EIF4E: variants seen among roughly 807,000 people sequenced by gnomAD.
EIF4E encodes eIF-4F 25 kDa subunit.
For synonymous variants in EIF4E, 71 were observed against 88.5 expected, an observed-to-expected ratio of 0.80 and a Z score of 1.11; for missense variants, 113 against 265.6, an observed-to-expected ratio of 0.43 and a Z score of 3.99.
rs1329644525 is a variant in EIF4E, at chr4:98,922,980, TG to T, written c.18+6114del. On this transcript the variant is annotated intron_variant, in intron 1 of 6. Transcript: ENST00000450253. ...CTTCTGCCTCAGCCTCCCAAGAAGC[TG>T]GGGTTACAGGCATGTGCCACCATAC... Among the ~76,000 whole-genome samples the T allele has an allele frequency of 2.0e-5, 3 of 151,798 alleles. No homozygotes were observed. In the East Asian group the frequency reaches 5.8e-4, roughly 29 times the overall value.
At chr4:98,895,947 C>T (rs1723586487) in intron 2 of EIF4E, among the ~76,000 whole-genome samples, 1 of 152,144 alleles carries the variant, frequency 6.6e-6, no homozygotes, top group African/African-American at 2.4e-5. Flanking sequence ...CCCGTAATCC[C>T]AGCACTTTGG....
intron 1 of EIF4E, among the ~76,000 whole-genome samples, chr4:98,910,376 C>A (rs1438326448): frequency 6.6e-6 from 1 of 152,170 alleles, no homozygotes; most frequent in East Asian, 1.9e-4. Context: ...AAAGACAGTA[C>A]TTCTTAAAGT....
At chr4:98,918,721 G>A (rs765108378) in intron 1 of EIF4E, among the ~76,000 whole-genome samples, 7 of 151,954 alleles carry the variant, frequency 4.6e-5, no homozygotes, top group Non-Finnish European at 1.0e-4. Context: ...TATACCATCA[G>A]AAAAAAGAAG....
intron 3 of EIF4E, 129 bp from the exon 4 acceptor site, chr4:98,888,081 G>A: frequency 2.5e-6 from 2 of 803,282 alleles, no homozygotes; most frequent in African/African-American, 1.8e-5. Flanking sequence ...TTGTTTCTAA[G>A]GAGTCAATTT....
chr4:98,883,957 T>C (rs893563074), intron 6 of EIF4E, among the ~76,000 whole-genome samples: 7 of 150,538 alleles, frequency 4.6e-5, no homozygotes, highest in Non-Finnish European at 1.0e-4. Flanking sequence ...GAGTATCACC[T>C]GAGCCCAGGA....
At chr4:98,894,744 A>C (rs1369405499) in intron 2 of EIF4E, among the ~76,000 whole-genome samples, 1 of 152,220 alleles carries the variant, frequency 6.6e-6, no homozygotes, top group Non-Finnish European at 1.5e-5. Flanking sequence ...CTGGAGGAGG[A>C]CTTTCGATCT....
At chr4:98,907,165 T>G (rs1470362058) in intron 1 of EIF4E, among the ~76,000 whole-genome samples, 1 of 152,186 alleles carries the variant, frequency 6.6e-6, no homozygotes, top group Non-Finnish European at 1.5e-5. Flanking sequence ...TTTATCACTT[T>G]CCTCCTTCCT....
At chr4:98,891,173 TTAAAAA>T in intron 3 of EIF4E, 58 bp downstream of exon 3, 1 of 1,568,734 alleles carries the variant, frequency 6.4e-7, no homozygotes, top group Non-Finnish European at 8.7e-7. Context: ...TGAATTCGAC[TTAAAAA>T]TAAAAAAACT....
At position 98,896,112 on chromosome 4, in the gene EIF4E, C is replaced by A. The variant is rs570528636; in HGVS notation, c.126-4780G>T. Among the ~76,000 whole-genome samples the A allele has an allele frequency of 2.8e-4, 42 of 152,112 alleles. 2 individuals are homozygous for A. Among genetic ancestry groups the A allele is most frequent in the Admixed American group, 2.8e-3 (42 of 15,268 alleles). ...TCAGGAGGCTGAGGCAGGAGAATCG[C>A]TTGAACCTGGGAGGCGGAGGTTGCA... On this transcript the variant is annotated intron_variant, in intron 2 of 6. Coordinates refer to ENST00000450253, the MANE Select transcript of EIF4E (RefSeq NM_001968.5).
chr4:98,884,770 T>C (rs1235772085), intron 6 of EIF4E, 152 bp downstream of exon 6: 15 of 980,956 alleles, frequency 1.5e-5, no homozygotes, highest in South Asian at 9.2e-5. Flanking sequence ...TGCGCACCAA[T>C]TGAGCCGTTC....
intron 2 of EIF4E, among the ~76,000 whole-genome samples, chr4:98,894,750 G>A (rs1290753964): frequency 6.6e-6 from 1 of 152,128 alleles, no homozygotes; most frequent in Non-Finnish European, 1.5e-5. Context: ...GAGGACTTTC[G>A]ATCTCCTTCA....
chr4:98,906,978 T>C (rs1391904296), intron 1 of EIF4E, among the ~76,000 whole-genome samples: 1 of 152,212 alleles, frequency 6.6e-6, no homozygotes, highest in African/African-American at 2.4e-5. Flanking sequence ...AACTGTCTGA[T>C]ACATGGGAAA....
chr4:98,901,445 C>G (rs1054207654), intron 2 of EIF4E, among the ~76,000 whole-genome samples: 5 of 138,840 alleles, frequency 3.6e-5, no homozygotes, highest in Non-Finnish European at 6.5e-5. Flanking sequence ...GTGATCCGCC[C>G]GCCTCCGCCT....
intron 2 of EIF4E, among the ~76,000 whole-genome samples, chr4:98,899,512 C>A (rs532609957): frequency 6.6e-6 from 1 of 152,066 alleles, no homozygotes; most frequent in Non-Finnish European, 1.5e-5. Context: ...GCAGTATCTG[C>A]GCAAAGGTTG....
At chr4:98,882,121 G>A (rs1018336842) in intron 6 of EIF4E, among the ~76,000 whole-genome samples, 1 of 152,058 alleles carries the variant, frequency 6.6e-6, no homozygotes, top group East Asian at 1.9e-4. Flanking sequence ...GGCTGGGCGC[G>A]GTGGCTCACG....
intron 1 of EIF4E, among the ~76,000 whole-genome samples, chr4:98,920,159 T>G (rs1725582057): frequency 6.6e-6 from 1 of 152,200 alleles, no homozygotes; most frequent in Admixed American, 6.5e-5. Context: ...GGAGATAGGT[T>G]TTCCACATTA....
At chr4:98,911,562 G>A (rs1421068909) in intron 1 of EIF4E, among the ~76,000 whole-genome samples, 2 of 148,948 alleles carry the variant, frequency 1.3e-5, no homozygotes, top group East Asian at 4.0e-4. Flanking sequence ...TCGGGAAGCT[G>A]AGGCAGGAGA....
chr4:98,891,891 A>G (rs944596968), intron 2 of EIF4E, among the ~76,000 whole-genome samples: 1 of 152,222 alleles, frequency 6.6e-6, no homozygotes, highest in Non-Finnish European at 1.5e-5. Context: ...CATTTAAAAG[A>G]TATGTATGTT....
At chr4:98,886,359 A>G (rs1305519586) in intron 5 of EIF4E, 1 of 309,916 alleles carries the variant, frequency 3.2e-6, no homozygotes, top group East Asian at 9.7e-5. Context: ...TCCAGTTAAT[A>G]TCACAACATG....
Sources: allele counts gnomAD v4.1 joint callset (sites outside exome capture counted in the v4.1 genomes callset), GRCh38; gene constraint gnomAD v4.1.1; transcripts MANE v1.5; gene names NCBI Gene and HGNC (gene_info 2026-07-23, HGNC 2026-07-21).